The following ZMYM6 variants were observed in gnomAD, a reference collection of about 807,000 sequenced individuals.
ZMYM6 encodes the protein zinc finger MYM-type containing 6.
In ZMYM6, 90 loss-of-function variants were observed where a neutral mutation model predicts 134.0. The observed-to-expected ratio is 0.67, with a 90% CI of 0.57 to 0.80. ZMYM6 has a LOEUF of 0.80. Ranked by LOEUF, ZMYM6 falls within the 30% of genes least tolerant of loss-of-function variation. The pLI is 0.00. For synonymous variants in ZMYM6, 481 were observed against 524.1 expected (o/e 0.92, Z 1.12); for missense variants, 1,362 against 1,533.9 (o/e 0.89, Z 1.87).
rs551929628 is a variant in ZMYM6 at position 35,020,366 on chromosome 1, A to G, written c.178+17T>C. On this transcript the variant is annotated intron_variant, in intron 3 of 15. Transcript: ENST00000357182. ...AGCAAATTAATTGTAACTAACTTATACAGTTCCATTTCTTACCAATAGGTC... is the reference window on the plus strand; with the variant it reads ...AGCAAATTAATTGTAACTAACTTATGCAGTTCCATTTCTTACCAATAGGTC... 1.1e-5 allele frequency: 18 copies of G among 1,587,970 alleles called. No homozygotes were observed. The African/African-American group carries it at 2.3e-4, about 20-fold the overall frequency.
intron 6 of ZMYM6, among the ~76,000 whole-genome samples, chr1:35,014,085 A>G (rs1292100628): frequency 6.6e-6 from 1 of 152,262 alleles, no homozygotes; most frequent in Non-Finnish European, 1.5e-5. Flanking sequence ...GGCTTAATCC[A>G]TTATTCATTA....
At chr1:34,999,504 G>A (rs544662892) in intron 14 of ZMYM6, among the ~76,000 whole-genome samples, 2 of 152,240 alleles carry the variant, frequency 1.3e-5, no homozygotes, top group East Asian at 3.9e-4. Context: ...GCATATTTTT[G>A]TGTTGATGAA....
Position 34,987,840 on chromosome 1 carries a change from C to A in ZMYM6, c.3242G>T (p.Arg1081Ile). The A allele has an allele frequency of 6.4e-7, 1 of 1,550,894 alleles. No homozygotes were observed. Among genetic ancestry groups the A allele is most frequent in the Non-Finnish European group, 8.7e-7 (1 of 1,146,754 alleles). ...AATCTCATGTCGTAATTCAAATAAT[C>A]TTTTTAACATTCTCCCTCTTGATAT... is the stretch of plus-strand genomic sequence containing the variant. The part of the protein sequence containing the change: ...RWISRGRMLK[R>I]LFELRHEIEI... Residue 1081 changes from arginine to isoleucine, a missense_variant, in exon 16 of 16, where the codon AGA becomes ATA. By Grantham distance (97) the Arg-to-Ile change is moderately conservative (BLOSUM62 -3). Transcript: ENST00000357182.
chr1:35,021,929 C>T (rs1489342370), intron 2 of ZMYM6, among the ~76,000 whole-genome samples: 1 of 152,052 alleles, frequency 6.6e-6, no homozygotes, highest in African/African-American at 2.4e-5. Flanking sequence ...TATTTCAAAA[C>T]AGGAAGTTTT....
In ZMYM6 at chr1:34,987,042, G is replaced by T; in HGVS notation, c.*62C>A. On this transcript the variant is annotated 3_prime_UTR_variant, in exon 16 of 16. Coordinates refer to ENST00000357182, the MANE Select transcript of ZMYM6 (RefSeq NM_007167.4). ...ATCCACATTAGGAAATTATCTTTTA[G>T]GATACTTATACAAAACTTAACACAG... 8.6e-7 allele frequency: 1 copy of T among 1,159,574 alleles called. No individual in the cohort carries two copies. Among genetic ancestry groups the T allele is most frequent in the Non-Finnish European group, 1.2e-6 (1 of 868,582 alleles). 71.8% of individuals were successfully genotyped at this position (1,159,574 alleles called of 1,614,324 possible). A position where few individuals can be genotyped will look rare whatever the true frequency, so the allele number is the denominator to read the frequency against.
intron 8 of ZMYM6, 69 bp from the exon 9 acceptor site, chr1:35,011,105 C>T: frequency 6.8e-7 from 1 of 1,474,846 alleles, no homozygotes; most frequent in Non-Finnish European, 9.1e-7. Flanking sequence ...CTTTTCATTT[C>T]CTCATTTTAA....
chr1:35,029,705 A>G (rs1641482691), intron 2 of ZMYM6, among the ~76,000 whole-genome samples: 1 of 152,110 alleles, frequency 6.6e-6, no homozygotes, highest in Admixed American at 6.5e-5. Flanking sequence ...TCTGTCTGTA[A>G]TACTCTTCTC....
At chr1:35,021,829 T>C (rs1641315056) in intron 2 of ZMYM6, among the ~76,000 whole-genome samples, 1 of 152,154 alleles carries the variant, frequency 6.6e-6, no homozygotes, top group Non-Finnish European at 1.5e-5. Context: ...TAAAACAAAA[T>C]GTAATCATGA....
chr1:35,013,949 C>T (rs1358222503), intron 6 of ZMYM6, among the ~76,000 whole-genome samples: 1 of 152,176 alleles, frequency 6.6e-6, no homozygotes, highest in Non-Finnish European at 1.5e-5. Context: ...CTTGACCTCC[C>T]AAAGTGCTGG....
Position 35,006,970 on chromosome 1 carries a change from G to A in ZMYM6, c.1794C>T (p.Asp598=), listed in dbSNP as rs774159523. ...TTTTACCTTTATTTTGTGGAAGACA[G>A]TCATTCATAATTTGCTGATGACAAA... ...LEFCHQQIMN[D]CLPQNKVNIS... The change falls in exon 12 of 16, where the codon GAC becomes GAT. Residue 598 remains aspartate (D), a synonymous_variant. Transcript: ENST00000357182. 2 of 1,610,996 alleles carry A rather than the reference G, an allele frequency of 1.2e-6. No individual in the cohort carries two copies. Among genetic ancestry groups the A allele is most frequent in the East Asian group, 2.2e-5 (1 of 44,754 alleles).
rs756879468 is a variant in ZMYM6 at position 35,030,667 on chromosome 1, C to T, written c.-28G>A. On this transcript the variant is annotated 5_prime_UTR_variant, in exon 2 of 16. Coordinates refer to ENST00000357182, the MANE Select transcript of ZMYM6 (RefSeq NM_007167.4). ...TAATTTTTTACCTCAAAGAGTGTCTCAGGCTCAAACGAATAGATTTCTTCT... is the reference window on the plus strand; with the variant it reads ...TAATTTTTTACCTCAAAGAGTGTCTTAGGCTCAAACGAATAGATTTCTTCT... The T allele has an allele frequency of 3.1e-6, 5 of 1,592,708 alleles. No homozygotes were observed. In the South Asian group the frequency reaches 4.5e-5, roughly 14 times the overall value.
At chr1:35,022,516 C>T (rs1351795232) in intron 2 of ZMYM6, among the ~76,000 whole-genome samples, 1 of 152,032 alleles carries the variant, frequency 6.6e-6, no homozygotes, top group African/African-American at 2.4e-5. Flanking sequence ...CACCCACCTC[C>T]ACCTCCCAAA....
At position 35,010,814 on chromosome 1, in the gene ZMYM6, T is replaced by C. The variant is rs1487889571; in HGVS notation, c.1285A>G (p.Lys429Glu). ...VALTHTVVKLKCQHCNHLFAT... is the reference protein window; with the variant it reads ...VALTHTVVKLECQHCNHLFAT... ...AATAGATGGTTACAGTGCTGACACTTGAGTTTAACAACTGTATGGGTTAAA... is the reference window on the plus strand; with the variant it reads ...AATAGATGGTTACAGTGCTGACACTCGAGTTTAACAACTGTATGGGTTAAA... The change falls in exon 9 of 16, where the codon AAG (lysine) becomes GAG (glutamate). Residue 429 changes from lysine to glutamate, a missense_variant. This residue lies in a region of ZMYM6 where 503 missense variants were observed against 520.8 expected (regional missense o/e 0.97). Coordinates refer to ENST00000357182, the MANE Select transcript of ZMYM6 (RefSeq NM_007167.4). The C allele has an allele frequency of 1.9e-6, 3 of 1,603,992 alleles. No homozygotes were observed. Among genetic ancestry groups the C allele is most frequent in the South Asian group, 2.2e-5 (2 of 89,188 alleles).
At chr1:35,021,043 T>C (rs1300695627) in intron 2 of ZMYM6, among the ~76,000 whole-genome samples, 2 of 151,952 alleles carry the variant, frequency 1.3e-5, no homozygotes, top group African/African-American at 4.8e-5. Flanking sequence ...GAGTAATACA[T>C]AGCTATTCCA....
In ZMYM6 at chr1:34,996,309, G is replaced by A. The variant is rs557248696; in HGVS notation, c.1993-3922C>T. Among the ~76,000 whole-genome samples the A allele has an allele frequency of 1.6e-4, 25 of 152,076 alleles. No individual in the cohort carries two copies. The South Asian group carries it at 5.2e-3, about 32-fold the overall frequency. ...TAGTGTAGTTAGATATTTTTCACAT[G>A]TAAGCATTATTTGTAGTCCCTCTTC... On this transcript the variant is annotated intron_variant, in intron 14 of 15. Coordinates refer to ENST00000357182, the MANE Select transcript of ZMYM6 (RefSeq NM_007167.4).
At chr1:35,008,198 C>T (rs1557572542) in intron 11 of ZMYM6, among the ~76,000 whole-genome samples, 2 of 152,174 alleles carry the variant, frequency 1.3e-5, no homozygotes, top group Admixed American at 6.6e-5. Flanking sequence ...GGACCTCTCT[C>T]CTTTTCCTTA....
At chr1:35,025,466 C>CAAAAAAAAA (rs1161814959) in intron 2 of ZMYM6, among the ~76,000 whole-genome samples, 3 of 55,004 alleles carry the variant, frequency 5.5e-5, no homozygotes, top group African/African-American at 1.1e-4. Flanking sequence ...GACTCCATCC[C>CAAAAAAAAA]AAAAAAAAAA....
chr1:35,004,049 G>T, intron 13 of ZMYM6, 44 bp from the exon 14 acceptor site: 1 of 1,511,472 alleles, frequency 6.6e-7, no homozygotes, highest in Non-Finnish European at 9.1e-7. Context: ...AGAATATACA[G>T]AAGTAAACAC....
intron 4 of ZMYM6, chr1:35,017,478 CTTT>C (rs1641225281): frequency 6.6e-6 from 1 of 151,914 alleles, no homozygotes; most frequent in Non-Finnish European, 1.5e-5. Context: ...AAGAGAATGA[CTTT>C]ATAATGAAAA....
Sources: allele counts gnomAD v4.1 joint callset (sites outside exome capture counted in the v4.1 genomes callset), GRCh38; gene constraint gnomAD v4.1.1; regional missense constraint gnomAD v4.1.1; transcripts MANE v1.5; gene names NCBI Gene and HGNC (gene_info 2026-07-23, HGNC 2026-07-21).